Variants in HAS2 observed in about 807,000 individuals in gnomAD.
HAS2 encodes the protein hyaluronan synthase 2.
Under a neutral mutation model 51.6 loss-of-function variants are expected in HAS2, and 16 were observed. The observed-to-expected ratio is 0.31, with a 90% confidence interval of 0.21 to 0.47. The LOEUF (loss-of-function observed/expected upper bound fraction) is 0.47. Ranked by LOEUF, HAS2 falls within the 20% of genes least tolerant of loss-of-function variation. The probability of loss-of-function intolerance (pLI) is 1.00; values close to 1 mark genes in which losing one functional copy is unlikely to be tolerated. For missense variants in HAS2, 361 were observed against 662.6 expected (o/e 0.54, Z 5.00); for synonymous variants, 228 against 235.5 (o/e 0.97, Z 0.29).
chr8:121,634,502 C>A, intron 1 of HAS2, among the ~76,000 whole-genome samples: 1 of 151,804 alleles, frequency 6.6e-6, no homozygotes, highest in African/African-American at 2.4e-5. Flanking sequence ...CCGGAGAGTA[C>A]ACATGCACAT....
At chr8:121,640,430 TG>T (rs1813077821) in intron 1 of HAS2, among the ~76,000 whole-genome samples, 1 of 151,202 alleles carries the variant, frequency 6.6e-6, no homozygotes, top group Non-Finnish European at 1.5e-5. Context: ...AGTGTGTGTG[TG>T]TGTGTGTGTG....
chr8:121,622,370 T>C (rs943240698), intron 2 of HAS2, among the ~76,000 whole-genome samples: 4 of 152,138 alleles, frequency 2.6e-5, no homozygotes, highest in African/African-American at 9.7e-5. Flanking sequence ...CAATCCACCA[T>C]TAACCACCTA....
At chr8:121,630,124 G>A (rs541412745) in intron 1 of HAS2, among the ~76,000 whole-genome samples, 8 of 151,942 alleles carry the variant, frequency 5.3e-5, no homozygotes, top group East Asian at 1.9e-4. Flanking sequence ...TCCTCCATCC[G>A]CCATCATGAA....
intron 2 of HAS2, among the ~76,000 whole-genome samples, chr8:121,626,756 A>G (rs925723322): frequency 6.6e-6 from 1 of 152,174 alleles, no homozygotes; most frequent in African/African-American, 2.4e-5. Context: ...GGATTTACTG[A>G]GGGATGAAAA....
chr8:121,637,626 G>A (rs555178481), intron 1 of HAS2, among the ~76,000 whole-genome samples: 8 of 152,176 alleles, frequency 5.3e-5, no homozygotes, highest in African/African-American at 1.9e-4. Flanking sequence ...TCTGACCTCA[G>A]GTGATCTGCC....
At chr8:121,631,273 G>A (rs1216715692) in intron 1 of HAS2, among the ~76,000 whole-genome samples, 3 of 152,214 alleles carry the variant, frequency 2.0e-5, no homozygotes, top group Admixed American at 2.0e-4. Flanking sequence ...ATGCATTTGG[G>A]GCTTGGTGTA....
At chr8:121,615,118 C>T in intron 3 of HAS2, 80 bp from the exon 4 acceptor site, 2 of 903,080 alleles carry the variant, frequency 2.2e-6, no homozygotes, top group Non-Finnish European at 3.4e-6. Flanking sequence ...GAGGTTACTA[C>T]CTGGAGTAAT....
At chr8:121,615,591 G>A (rs1006180334) in intron 3 of HAS2, among the ~76,000 whole-genome samples, 2 of 151,970 alleles carry the variant, frequency 1.3e-5, no homozygotes, top group Admixed American at 6.5e-5. Flanking sequence ...CCAAAGTGCT[G>A]GGATTACAGG....
rs569859741 is a variant in HAS2 at position 121,633,425 on chromosome 8, T to C, written c.1-4085A>G. Among the ~76,000 whole-genome samples the C allele has an allele frequency of 2.2e-3, 338 of 152,290 alleles. 1 individual carries two copies. Among genetic ancestry groups the C allele is most frequent in the African/African-American group, 7.7e-3 (321 of 41,552 alleles). The stretch of plus-strand genomic sequence containing the variant: ...TTCCAAAGTGCTGGGATTATAGGCA[T>C]GAGCCACCACACCCAGCCTGAAAAT... On this transcript the variant is annotated intron_variant, in intron 1 of 3. Transcript: ENST00000303924.
At chr8:121,624,755 T>G (rs1812818411) in intron 2 of HAS2, among the ~76,000 whole-genome samples, 1 of 152,020 alleles carries the variant, frequency 6.6e-6, no homozygotes, top group African/African-American at 2.4e-5. Flanking sequence ...GCCACGTGAG[T>G]GGTAATACGC....
intron 2 of HAS2, among the ~76,000 whole-genome samples, chr8:121,620,787 A>C (rs575770819): frequency 6.6e-6 from 1 of 152,194 alleles, no homozygotes; most frequent in Admixed American, 6.5e-5. Flanking sequence ...CCTACTGGTC[A>C]AGTCCAGCCT....
chr8:121,634,243 A>C (rs1344470196), intron 1 of HAS2, among the ~76,000 whole-genome samples: 1 of 152,092 alleles, frequency 6.6e-6, no homozygotes, highest in East Asian at 1.9e-4. Context: ...GTGCCCGGCC[A>C]GAGTTACCCT....
chr8:121,629,218 A>G lies in HAS2; in HGVS notation c.123T>C (p.Asn41=), dbSNP rs1172738593. The G allele has an allele frequency of 3.1e-6, 5 of 1,614,088 alleles. No individual in the cohort carries two copies. Among genetic ancestry groups the G allele is most frequent in the Non-Finnish European group, 1.7e-6 (2 of 1,179,948 alleles). ...CATACAGTCCAAAAGAGAAATAGTAATTATCCGTTTGGATAAACTGGTAGC... is the reference window on the plus strand; with the variant it reads ...CATACAGTCCAAAAGAGAAATAGTAGTTATCCGTTTGGATAAACTGGTAGC... ...IVGYQFIQTD[N]YYFSFGLYGA... Residue 41 remains asparagine (N), a synonymous_variant, in exon 2 of 4, where the codon AAT becomes AAC. Coordinates refer to ENST00000303924, the MANE Select transcript of HAS2 (RefSeq NM_005328.3).
At chr8:121,620,761 G>A (rs1367430723) in intron 2 of HAS2, among the ~76,000 whole-genome samples, 1 of 151,948 alleles carries the variant, frequency 6.6e-6, no homozygotes, top group African/African-American at 2.4e-5. Flanking sequence ...CTAAAACAGG[G>A]ATTGGCAAAC....
Position 121,612,706 on chromosome 8 carries a change from T to C in HAS2, c.*1403A>G, listed in dbSNP as rs1812653281. Reference sequence around the variant, plus strand: ...CAACAATTTTTATATGTGCCAATCATTGATATACTTATTAAACCTTGATGT... The same window carrying C: ...CAACAATTTTTATATGTGCCAATCACTGATATACTTATTAAACCTTGATGT... On this transcript the variant is annotated 3_prime_UTR_variant, in exon 4 of 4. Transcript: ENST00000303924. 3 of 152,168 alleles carry C rather than the reference T, an allele frequency of 2.0e-5. No homozygotes were observed. The highest frequency in any genetic ancestry group is 3.8e-4 in the East Asian group (2 of 5,200). 9.4% of individuals were successfully genotyped at this position (152,168 alleles called of 1,614,324 possible).
chr8:121,640,485 T>G (rs1195727988), intron 1 of HAS2, among the ~76,000 whole-genome samples: 5 of 151,730 alleles, frequency 3.3e-5, no homozygotes, highest in African/African-American at 1.2e-4. Context: ...CTGTGCAGAA[T>G]GCATTTTCCT....
chr8:121,630,626 T>G (rs535084751), intron 1 of HAS2, among the ~76,000 whole-genome samples: 4 of 152,360 alleles, frequency 2.6e-5, no homozygotes, highest in African/African-American at 7.2e-5. Context: ...CATATTTACA[T>G]GTATTTAGTG....
intron 1 of HAS2, among the ~76,000 whole-genome samples, chr8:121,635,052 G>A (rs374231335): frequency 6.6e-6 from 1 of 152,044 alleles, no homozygotes; most frequent in African/African-American, 2.4e-5. Context: ...GAGCATGTGT[G>A]CATGTATGTC....
intron 1 of HAS2, among the ~76,000 whole-genome samples, chr8:121,629,676 T>C (rs1332349319): frequency 6.6e-6 from 1 of 152,232 alleles, no homozygotes; most frequent in East Asian, 1.9e-4. Context: ...TATATATATG[T>C]GGTCATAGCC....
Sources: allele counts gnomAD v4.1 joint callset (sites outside exome capture counted in the v4.1 genomes callset), GRCh38; gene constraint gnomAD v4.1.1; transcripts MANE v1.5; gene names NCBI Gene and HGNC (gene_info 2026-07-23, HGNC 2026-07-21).